Variants in PADI4 observed in about 807,000 individuals in gnomAD.
PADI4 encodes the protein peptidyl arginine deiminase 4.
PADI4 carries 62 observed loss-of-function variants against 75.0 expected under a neutral mutation model. The ratio of observed to expected loss-of-function variants is 0.83; its 90% CI spans 0.67 to 1.02. PADI4 has a LOEUF of 1.02. Among genes scored for constraint, PADI4 ranks in the 50% least tolerant of loss-of-function variants. PADI4 has a pLI of 0.00. For missense variants in PADI4, 845 were observed against 850.5 expected (o/e 0.99, Z 0.08); for synonymous variants, 361 against 348.1 (o/e 1.04, Z -0.41).
chr1:17,337,635 G>C (rs974191093), intron 4 of PADI4, among the ~76,000 whole-genome samples: 13 of 152,036 alleles, frequency 8.6e-5, no homozygotes, highest in Non-Finnish European at 1.0e-4. Flanking sequence ...GAAGTGATGG[G>C]GGCCGGGCGT....
rs534413345 is a variant in PADI4, at chr1:17,336,190, C to A, written c.372C>A (p.Thr124=). The stretch of plus-strand genomic sequence containing the variant: ...CCTTGTGCGCAGACATCACCCGCAC[C>A]GGCAAAGTGAAGCCAACCAGAGCTG... ...EISLCADITR[T]GKVKPTRAVK... Residue 124 remains threonine, a synonymous_variant, in exon 4 of 16, where the codon ACC becomes ACA. Coordinates refer to ENST00000375448, the MANE Select transcript of PADI4 (RefSeq NM_012387.3). 6.8e-6 allele frequency: 11 copies of A among 1,613,606 alleles called. No homozygotes were observed. In the East Asian group the frequency reaches 2.0e-4, roughly 29 times the overall value.
intron 15 of PADI4, among the ~76,000 whole-genome samples, chr1:17,361,294 T>C (rs1414416558): frequency 1.3e-5 from 2 of 152,266 alleles, no homozygotes; most frequent in Non-Finnish European, 2.9e-5. Context: ...AAGCGTTTTG[T>C]TTCCCTCCAG....
At position 17,354,622 on chromosome 1, in the gene PADI4, A is replaced by G; in HGVS notation, c.1245A>G (p.Pro415=). Residue 415 remains proline, a synonymous_variant, in exon 11 of 16, where the codon CCA becomes CCG. Coordinates refer to ENST00000375448, the MANE Select transcript of PADI4 (RefSeq NM_012387.3). ...DSFGNLEVSP[P]VTVRGKEYPL... Reference sequence around the variant, plus strand: ...TTGGGAACCTGGAAGTGAGCCCCCCAGTCACAGTCAGGGGCAAGGAATACC... The same window carrying G: ...TTGGGAACCTGGAAGTGAGCCCCCCGGTCACAGTCAGGGGCAAGGAATACC... 8 of 1,614,048 alleles carry G rather than the reference A, an allele frequency of 5.0e-6. No individual in the cohort carries two copies. Among genetic ancestry groups the G allele is most frequent in the Non-Finnish European group, 6.8e-6 (8 of 1,179,916 alleles).
At position 17,339,692 on chromosome 1, in the gene PADI4, G is replaced by T; in HGVS notation, c.531G>T (p.Leu177=). 1.2e-6 allele frequency: 2 copies of T among 1,613,916 alleles called. No homozygotes were observed. The highest frequency in any genetic ancestry group is 1.3e-5 in the African/African-American group (1 of 75,010). The part of the protein sequence containing the change: ...EDDEVLDSED[L]QDMSLMTLST... Reference sequence around the variant, plus strand: ...GCAATGCCCTTCTCATCCCAGACCTGCAGGACATGTCGCTGATGACCCTGA... The same window carrying T: ...GCAATGCCCTTCTCATCCCAGACCTTCAGGACATGTCGCTGATGACCCTGA... The change falls in exon 6 of 16, where the codon CTG becomes CTT. Residue 177 remains leucine, a synonymous_variant. Coordinates refer to ENST00000375448, the MANE Select transcript of PADI4 (RefSeq NM_012387.3).
rs1381668171 is a variant in PADI4, at chr1:17,347,960, AC to A, written c.1068del (p.Tyr356Ter). On this transcript the variant is annotated frameshift_variant, in exon 10 of 16. Coordinates refer to ENST00000375448, the MANE Select transcript of PADI4 (RefSeq NM_012387.3). LOFTEE classifies it high-confidence loss of function. Reference sequence around the variant, plus strand: ...CCACAGGATGAAATGGAGATCGGCTACATCCAAGCCCCACACAAAACGCTGC... The same window carrying A: ...CCACAGGATGAAATGGAGATCGGCTAATCCAAGCCCCACACAAAACGCTGC... ...QWMQDEMEIGYIQAPHKTLPV... is the reference protein window; with the variant it reads ...QWMQDEMEIGXIQAPHKTLPV... 2 of 1,591,462 alleles carry A rather than the reference AC, an allele frequency of 1.3e-6. No homozygotes were observed. The highest frequency in any genetic ancestry group is 3.4e-5 in the Admixed American group (2 of 57,984).
rs1431826091 is a variant in PADI4 at position 17,332,979 on chromosome 1, TCTGTA to T, written c.274-963_274-959del. Among the ~76,000 whole-genome samples the T allele has an allele frequency of 7.9e-5, 12 of 152,244 alleles. No individual in the cohort carries two copies. The East Asian group carries it at 2.3e-3, about 29-fold the overall frequency. On this transcript the variant is annotated intron_variant, in intron 2 of 15. Coordinates refer to ENST00000375448, the MANE Select transcript of PADI4 (RefSeq NM_012387.3). ...CACGTGTTGGGGAAACTGAGGAAGT[TCTGTA>T]TGGCAAGAAAGGTAGATGGAACAGG... is the stretch of plus-strand genomic sequence containing the variant.
In PADI4 at chr1:17,354,574, G is replaced by T; in HGVS notation, c.1197G>T (p.Gly399=). ...FGYVTRGPQT[G]GISGLDSFGN... Reference sequence around the variant, plus strand: ...ATGTAACTCGAGGGCCCCAAACAGGGGGTATCAGTGGACTGGACTCCTTTG... The same window carrying T: ...ATGTAACTCGAGGGCCCCAAACAGGTGGTATCAGTGGACTGGACTCCTTTG... The change falls in exon 11 of 16, where the codon GGG becomes GGT. Residue 399 remains glycine, a synonymous_variant. Transcript: ENST00000375448. The T allele has an allele frequency of 6.2e-7, 1 of 1,614,150 alleles. No homozygotes were observed. Among genetic ancestry groups the T allele is most frequent in the South Asian group, 1.1e-5 (1 of 91,084 alleles).
Position 17,330,962 on chromosome 1 carries a change from T to C in PADI4, c.93-7T>C. 6.5e-7 allele frequency: 1 copy of C among 1,543,662 alleles called. No individual in the cohort carries two copies. ...ATCCTCTGCTTTCCCATGTGTCTTG[T>C]CCACAGCTCTGCCCCTGAGGACTGC... On this transcript the variant is annotated splice_region_variant and splice_polypyrimidine_tract_variant and intron_variant, in intron 1 of 15. Transcript: ENST00000375448.
At chr1:17,334,059 C>T (rs932285163) in intron 3 of PADI4, 50 bp downstream of exon 3, 2 of 1,136,304 alleles carry the variant, frequency 1.8e-6, no homozygotes, top group African/African-American at 3.0e-5. Context: ...CTGCCCACCT[C>T]CTAATCCCTG....
Position 17,356,244 on chromosome 1 carries a change from G to A in PADI4, c.1456-113G>A. ...CCTTCACCCTTAGGATGGCAGTAGAGGAGGTGGCCAGCTTGGGTCCAAGTC... is the reference window on the plus strand; with the variant it reads ...CCTTCACCCTTAGGATGGCAGTAGAAGAGGTGGCCAGCTTGGGTCCAAGTC... On this transcript the variant is annotated intron_variant, in intron 12 of 15. Transcript: ENST00000375448. This position sits in a 1 kb window ranked among gnomAD's most constrained non-coding sequence, Gnocchi z 4.1. The A allele has an allele frequency of 7.5e-7, 1 of 1,333,784 alleles. No homozygotes were observed. The highest frequency in any genetic ancestry group is 1.0e-6 in the Non-Finnish European group (1 of 961,916). The allele number at this position is 1,333,784 out of a possible 1,614,324, so 82.6% of individuals were successfully genotyped here.
chr1:17,351,933 T>TGGGAGGAGAGGCGGC (rs2074636492), intron 10 of PADI4, among the ~76,000 whole-genome samples: 3 of 138,758 alleles, frequency 2.2e-5, no homozygotes, highest in East Asian at 2.1e-4. Flanking sequence ...GGAGAGGCGG[T>TGGGAGGAGAGGCGGC]CAGGGAGGTG....
At chr1:17,308,396 T>C in intron 1 of PADI4, 82 bp downstream of exon 1, 1 of 1,126,142 alleles carries the variant, frequency 8.9e-7, no homozygotes, top group Non-Finnish European at 1.3e-6. Flanking sequence ...GGAGCATGTG[T>C]TTGGCCCAGG....
intron 5 of PADI4, among the ~76,000 whole-genome samples, chr1:17,339,181 TGGC>T: frequency 6.6e-6 from 1 of 152,152 alleles, no homozygotes; most frequent in Non-Finnish European, 1.5e-5. Context: ...TTTAAGCCCT[TGGC>T]TATCAGTCAG....
At chr1:17,321,013 A>G (rs759097170) in intron 1 of PADI4, among the ~76,000 whole-genome samples, 3 of 152,236 alleles carry the variant, frequency 2.0e-5, no homozygotes, top group Non-Finnish European at 2.9e-5. Flanking sequence ...GTAAGGTAAC[A>G]TCTTCACAGG....
intron 1 of PADI4, among the ~76,000 whole-genome samples, chr1:17,318,492 G>T (rs1023447974): frequency 6.6e-6 from 1 of 152,164 alleles, no homozygotes; most frequent in South Asian, 2.1e-4. Context: ...TGCCAAGACC[G>T]AAATGTCACT....
intron 15 of PADI4, among the ~76,000 whole-genome samples, chr1:17,362,151 G>C (rs1179513583): frequency 2.0e-5 from 3 of 152,092 alleles, no homozygotes. Context: ...GCTTAGGTGG[G>C]AGGATTGCTT....
In PADI4 at chr1:17,311,947, C is replaced by T. The variant is rs185024622; in HGVS notation, c.92+3633C>T. Among the ~76,000 whole-genome samples the T allele has an allele frequency of 3.2e-3, 486 of 152,220 alleles. 2 individuals are homozygous for T. The highest frequency in any genetic ancestry group is 0.011 in the African/African-American group (458 of 41,532). On this transcript the variant is annotated intron_variant, in intron 1 of 15. Transcript: ENST00000375448. ...AAAATTAACACCCCTTCCTGGGTTA[C>T]GGCGAAGATTGAATTATATAATGCA...
At chr1:17,327,702 C>T (rs1424493745) in intron 1 of PADI4, among the ~76,000 whole-genome samples, 1 of 151,948 alleles carries the variant, frequency 6.6e-6, no homozygotes, top group African/African-American at 2.4e-5. Context: ...CAACCATGCC[C>T]AGCTAATTTT....
chr1:17,322,491 C>G (rs1042311789), intron 1 of PADI4, among the ~76,000 whole-genome samples: 4 of 149,316 alleles, frequency 2.7e-5, no homozygotes, highest in African/African-American at 7.6e-5. Flanking sequence ...TCCATCCCCC[C>G]CCAAAAAAAA....
Sources: allele counts gnomAD v4.1 joint callset (sites outside exome capture counted in the v4.1 genomes callset), GRCh38; gene constraint gnomAD v4.1.1; non-coding constraint Gnocchi (gnomAD v3.1); transcripts MANE v1.5; gene names NCBI Gene and HGNC (gene_info 2026-07-23, HGNC 2026-07-21).